SH3GL3: variants seen among roughly 807,000 people sequenced by gnomAD.
SH3GL3 encodes SH3 domain containing GRB2 like 3, endophilin A3, also known as endophilin-A3.
Under a neutral mutation model 47.7 loss-of-function variants are expected in SH3GL3, and 33 were observed. The ratio of observed to expected loss-of-function variants is 0.69; its 90% CI spans 0.52 to 0.92. The LOEUF (loss-of-function observed/expected upper bound fraction) is 0.92, where lower values mean the gene tolerates loss of function less well. Among genes scored for constraint, SH3GL3 ranks in the 40% least tolerant of loss-of-function variants. SH3GL3 has a pLI of 0.00. For synonymous variants in SH3GL3, 155 were observed against 148.8 expected (o/e 1.04, Z -0.30); for missense variants, 363 against 417.8 (o/e 0.87, Z 1.14).
intron 4 of SH3GL3, among the ~76,000 whole-genome samples, chr15:83,570,319 T>G (rs2045752860): frequency 6.6e-6 from 1 of 152,168 alleles, no homozygotes; most frequent in Non-Finnish European, 1.5e-5. Context: ...ATACATTAAA[T>G]TTGTTTATGG....
intron 1 of SH3GL3, among the ~76,000 whole-genome samples, chr15:83,557,736 A>G (rs1165922745): frequency 6.6e-6 from 1 of 152,150 alleles, no homozygotes; most frequent in African/African-American, 2.4e-5. Flanking sequence ...GTTTCTAGAG[A>G]GTGAGTAGAA....
chr15:83,568,948 G>A (rs535127322), intron 4 of SH3GL3, among the ~76,000 whole-genome samples: 1 of 146,676 alleles, frequency 6.8e-6, no homozygotes, highest in Non-Finnish European at 1.5e-5. Context: ...CCAGGCTGGA[G>A]TGCAGTGGCG....
chr15:83,515,244 G>C (rs1395653981), intron 1 of SH3GL3, among the ~76,000 whole-genome samples: 1 of 152,178 alleles, frequency 6.6e-6, no homozygotes, highest in Non-Finnish European at 1.5e-5. Context: ...TGAGGCCAAG[G>C]CATGAGTTCT....
intron 6 of SH3GL3, among the ~76,000 whole-genome samples, chr15:83,585,772 T>C (rs2151801220): frequency 6.6e-6 from 1 of 152,316 alleles, no homozygotes; most frequent in African/African-American, 2.4e-5. Flanking sequence ...CAGGATTTCA[T>C]TGTTCGGATG....
intron 2 of SH3GL3, among the ~76,000 whole-genome samples, chr15:83,561,002 T>C (rs938964665): frequency 6.6e-6 from 1 of 152,162 alleles, no homozygotes; most frequent in African/African-American, 2.4e-5. Context: ...AGGTAGAAAC[T>C]GTCAGAAATA....
intron 1 of SH3GL3, among the ~76,000 whole-genome samples, chr15:83,508,162 G>A (rs931597225): frequency 6.6e-6 from 1 of 151,896 alleles, no homozygotes; most frequent in Non-Finnish European, 1.5e-5. Flanking sequence ...GGATGGTCTC[G>A]ATCTCCTGAC....
chr15:83,579,714 G>A (rs17158811), intron 6 of SH3GL3, among the ~76,000 whole-genome samples: 8,814 of 152,228 alleles, frequency 0.058, 295 homozygotes, highest in East Asian at 0.12. Context: ...GTGCATGTGC[G>A]TTTACCTTTT....
chr15:83,501,806 G>A (rs1311765106), intron 1 of SH3GL3, among the ~76,000 whole-genome samples: 1 of 152,020 alleles, frequency 6.6e-6, no homozygotes, highest in Admixed American at 6.6e-5. Context: ...CAGGAGAATT[G>A]CTTGAACCCG....
At chr15:83,513,254 T>C (rs2042843746) in intron 1 of SH3GL3, among the ~76,000 whole-genome samples, 1 of 152,198 alleles carries the variant, frequency 6.6e-6, no homozygotes, top group South Asian at 2.1e-4. Flanking sequence ...ATTTAACTTG[T>C]GGGATGTTAA....
chr15:83,491,166 C>T (rs2041857270), intron 1 of SH3GL3, among the ~76,000 whole-genome samples: 1 of 152,080 alleles, frequency 6.6e-6, no homozygotes. Context: ...AGACAGAGTC[C>T]CTAAGCTCAC....
At chr15:83,509,176 G>A (rs2042642361) in intron 1 of SH3GL3, among the ~76,000 whole-genome samples, 1 of 152,238 alleles carries the variant, frequency 6.6e-6, no homozygotes, top group South Asian at 2.1e-4. Context: ...GGCCATTTTG[G>A]TCAAGCCTTG....
chr15:83,560,640 GA>G (rs1410815962), intron 2 of SH3GL3, among the ~76,000 whole-genome samples: 3 of 152,094 alleles, frequency 2.0e-5, no homozygotes, highest in African/African-American at 7.2e-5. Context: ...GTGAGTTACA[GA>G]AGAAATATAA....
At chr15:83,631,616 T>C in the SH3GL3 span, among the ~76,000 whole-genome samples, 1 of 152,236 alleles carries the variant, frequency 6.6e-6, no homozygotes, top group East Asian at 1.9e-4. Flanking sequence ...AGCAACACCC[T>C]GAGCTGTACC....
chr15:83,458,462 C>A (rs890001516), intron 1 of SH3GL3, among the ~76,000 whole-genome samples: 9 of 152,200 alleles, frequency 5.9e-5, no homozygotes, highest in Non-Finnish European at 1.2e-4. Flanking sequence ...ACATCTTCCT[C>A]AGACAGTAAT....
At chr15:83,565,260 T>C (rs1411375585) in intron 3 of SH3GL3, 54 bp downstream of exon 3, 2 of 954,242 alleles carry the variant, frequency 2.1e-6, no homozygotes, top group Non-Finnish European at 3.4e-6. Context: ...TAATAACCCA[T>C]GTTTACTTGG....
At chr15:83,609,542 C>A in intron 8 of SH3GL3, 2 of 322,452 alleles carry the variant, frequency 6.2e-6, no homozygotes, top group South Asian at 2.5e-5. Context: ...TGAATTACTT[C>A]TCTCTCCATC....
intron 1 of SH3GL3, among the ~76,000 whole-genome samples, chr15:83,471,740 G>A (rs754800386): frequency 1.3e-5 from 2 of 152,160 alleles, no homozygotes; most frequent in African/African-American, 2.4e-5. Flanking sequence ...ATTTAACAGT[G>A]ATTTCTGGTG....
intron 1 of SH3GL3, among the ~76,000 whole-genome samples, chr15:83,461,328 A>G (rs1043435574): frequency 2.0e-5 from 3 of 152,212 alleles, no homozygotes; most frequent in Admixed American, 6.5e-5. Flanking sequence ...CAAAAGTCTA[A>G]TTAAAATAAC....
At chr15:83,610,111 T>G (rs1379466289) in intron 8 of SH3GL3, among the ~76,000 whole-genome samples, 1 of 152,080 alleles carries the variant, frequency 6.6e-6, no homozygotes, top group Non-Finnish European at 1.5e-5. Flanking sequence ...TGCGTAGGAT[T>G]TAGGTAGAGA....
Sources: gnomAD v4.1 joint callset for allele counts (sites outside exome capture counted in the v4.1 genomes callset) on GRCh38, gnomAD v4.1.1 for gene constraint, MANE v1.5 for transcripts, NCBI Gene and HGNC (gene_info 2026-07-23, HGNC 2026-07-21) for gene names.